The following DOC2B variants were observed in gnomAD, a reference collection of about 807,000 sequenced individuals.
DOC2B encodes the protein double C2-like domain-containing protein beta.
Under a neutral mutation model 28.9 loss-of-function variants are expected in DOC2B, and 21 were observed. The observed-to-expected ratio is 0.73, with a 90% CI of 0.52 to 1.05. The LOEUF (loss-of-function observed/expected upper bound fraction) is 1.05. Among genes scored for constraint, DOC2B ranks in the 50% least tolerant of loss-of-function variants. The pLI, the probability that DOC2B is intolerant of heterozygous loss-of-function variation, is 0.00. For missense variants in DOC2B, 384 were observed against 421.1 expected, an observed-to-expected ratio of 0.91 and a Z score of 0.77; for synonymous variants, 194 against 178.1, an observed-to-expected ratio of 1.09 and a Z score of -0.71.
chr17:175,754 C>G (rs970424554), intron 1 of DOC2B, among the ~76,000 whole-genome samples: 2 of 152,356 alleles, frequency 1.3e-5, no homozygotes, highest in African/African-American at 4.8e-5. Flanking sequence ...AGCCAGAAGA[C>G]AGAGCGGCTG....
intron 1 of DOC2B, among the ~76,000 whole-genome samples, chr17:177,575 C>T (rs2040384886): frequency 6.6e-6 from 1 of 152,252 alleles, no homozygotes; most frequent in African/African-American, 2.4e-5. Context: ...CTCCGCCTGC[C>T]AGAGCTTTCC....
In DOC2B at chr17:181,376, TC is replaced by T; in HGVS notation, c.103del (p.Asp35ThrfsTer119). 8.7e-7 allele frequency: 1 copy of T among 1,145,220 alleles called. No homozygotes were observed. The highest frequency in any genetic ancestry group is 1.1e-6 in the Non-Finnish European group (1 of 929,456). The allele number at this position is 1,145,220 out of a possible 1,614,324, so 70.9% of individuals were successfully genotyped here. A position where few individuals can be genotyped will look rare whatever the true frequency, so the allele number is the denominator to read the frequency against. On this transcript the variant is annotated frameshift_variant, in exon 1 of 9. Coordinates refer to ENST00000613549, the MANE Select transcript of DOC2B (RefSeq NM_003585.5). LOFTEE classifies it high-confidence loss of function. This position sits in a 1 kb window ranked among gnomAD's most constrained non-coding sequence, Gnocchi z 7.0. ...GCCCCGCGGGAAGCGGGGGAAGTAGTCGGAGATCTGCTTGATGGGACGGATG... is the reference window on the plus strand; with the variant it reads ...GCCCCGCGGGAAGCGGGGGAAGTAGTGGAGATCTGCTTGATGGGACGGATG... The part of the protein sequence containing the change: ...GPIRPIKQIS[D>X]YFPRFPRGLP...
rs905673435 is a variant in DOC2B at position 148,635 on chromosome 17, C to T, written c.1006-366G>A. On this transcript the variant is annotated intron_variant, in intron 7 of 8. Transcript: ENST00000613549. Reference sequence around the variant, plus strand: ...TCCCTTCCATCCGGGGTTCCCCTCACTCTCTGGAAGCATCTTGACCTCCCC... The same window carrying T: ...TCCCTTCCATCCGGGGTTCCCCTCATTCTCTGGAAGCATCTTGACCTCCCC... Among the ~76,000 whole-genome samples the T allele has an allele frequency of 3.5e-4, 54 of 152,274 alleles. 1 individual carries two copies. The South Asian group carries it at 0.011, about 30-fold the overall frequency.
rs966329790 is a variant in DOC2B, at chr17:181,049, G to T, written c.373+58C>A. Reference sequence around the variant, plus strand: ...CGGCGGAGGGAAGCCGCGAGGCCGTGGGGGGGCCGAGCCCGAGCCAGGGGA... The same window carrying T: ...CGGCGGAGGGAAGCCGCGAGGCCGTTGGGGGGCCGAGCCCGAGCCAGGGGA... On this transcript the variant is annotated intron_variant, in intron 1 of 8. Coordinates refer to ENST00000613549, the MANE Select transcript of DOC2B (RefSeq NM_003585.5). This position sits in a 1 kb window ranked among gnomAD's most constrained non-coding sequence, Gnocchi z 7.0. 16 of 1,196,428 alleles carry T rather than the reference G, an allele frequency of 1.3e-5. No homozygotes were observed. The highest frequency in any genetic ancestry group is 6.4e-5 in the African/African-American group (4 of 62,966). The allele number at this position is 1,196,428 out of a possible 1,614,324, so 74.1% of individuals were successfully genotyped here. A position where few individuals can be genotyped will look rare whatever the true frequency, so the allele number is the denominator to read the frequency against.
intron 2 of DOC2B, among the ~76,000 whole-genome samples, chr17:170,185 G>A (rs560091403): frequency 6.6e-6 from 1 of 152,336 alleles, no homozygotes; most frequent in African/African-American, 2.4e-5. Context: ...TGGCACAGCT[G>A]GGATTTGACA....
rs908742535 is a variant in DOC2B at position 181,174 on chromosome 17, G to GGGGCTGGGACCC, written c.294_305dup (p.Gly99_Pro102dup). 4.0e-6 allele frequency: 5 copies of GGGGCTGGGACCC among 1,251,462 alleles called. No individual in the cohort carries two copies. Among genetic ancestry groups the GGGGCTGGGACCC allele is most frequent in the Admixed American group, 4.2e-5 (1 of 23,556 alleles). The allele number at this position is 1,251,462 out of a possible 1,614,324, so 77.5% of individuals were successfully genotyped here. A position where few individuals can be genotyped will look rare whatever the true frequency, so the allele number is the denominator to read the frequency against. On this transcript the variant is annotated inframe_insertion, in exon 1 of 9. Transcript: ENST00000613549. The surrounding 1 kb of genome is among the most constrained non-coding windows in gnomAD (Gnocchi z 7.0). ...CCGGCGGCTTGGCTGGCGGCCGCGCGGGGCTGGGACCCGGGCTGGGGCCCG... is the reference window on the plus strand; with the variant it reads ...CCGGCGGCTTGGCTGGCGGCCGCGCGGGGCTGGGACCCGGGCTGGGACCCGGGCTGGGGCCCG...
intron 2 of DOC2B, among the ~76,000 whole-genome samples, chr17:169,696 G>C (rs1160010673): frequency 6.6e-6 from 1 of 152,064 alleles, no homozygotes; most frequent in Non-Finnish European, 1.5e-5. Context: ...TATAAGGGGG[G>C]ACAAGCAAGG....
At chr17:174,978 G>A (rs1294829844) in intron 1 of DOC2B, among the ~76,000 whole-genome samples, 1 of 152,188 alleles carries the variant, frequency 6.6e-6, no homozygotes, top group African/African-American at 2.4e-5. Flanking sequence ...GGTGGCTCAC[G>A]CCTATAATCC....
At chr17:176,360 A>G (rs1567539758) in intron 1 of DOC2B, among the ~76,000 whole-genome samples, 1 of 146,470 alleles carries the variant, frequency 6.8e-6, no homozygotes, top group Non-Finnish European at 1.5e-5. Context: ...CTTAAAAAAT[A>G]TATTTACAAA....
In DOC2B at chr17:154,744, T is replaced by G. The variant is rs1038096023; in HGVS notation, c.923+1476A>C. The stretch of plus-strand genomic sequence containing the variant: ...TCATATTATTTTTATTTGTTTATTA[T>G]ATTTTGAGAGTGTCTCGCTCTGTCA... On this transcript the variant is annotated intron_variant, in intron 6 of 8. Coordinates refer to ENST00000613549, the MANE Select transcript of DOC2B (RefSeq NM_003585.5). Among the ~76,000 whole-genome samples, 3 of 152,312 alleles carry G rather than the reference T, an allele frequency of 2.0e-5. No homozygotes were observed. In the South Asian group the frequency reaches 6.2e-4, roughly 32 times the overall value.
At chr17:180,487 T>C (rs2040427524) in intron 1 of DOC2B, among the ~76,000 whole-genome samples, 3 of 151,894 alleles carry the variant, frequency 2.0e-5, no homozygotes, top group African/African-American at 7.2e-5. Context: ...GCGGGGTCCA[T>C]GGACACCGGA....
intron 6 of DOC2B, 121 bp from the exon 7 acceptor site, chr17:149,313 C>T (rs1258990890): frequency 5.0e-6 from 2 of 397,722 alleles, no homozygotes; most frequent in East Asian, 3.6e-5. Flanking sequence ...CTTCTTTTGT[C>T]CTAATCATTG....
At chr17:170,542 C>T (rs950888312) in intron 2 of DOC2B, among the ~76,000 whole-genome samples, 1 of 152,082 alleles carries the variant, frequency 6.6e-6, no homozygotes, top group Non-Finnish European at 1.5e-5. Context: ...CCAGGCAGCT[C>T]TGTGGGAAGC....
chr17:179,777 AC>A (rs201466237), intron 1 of DOC2B, among the ~76,000 whole-genome samples: 938 of 90,130 alleles, frequency 0.01, 12 homozygotes, highest in African/African-American at 0.028. Flanking sequence ...CCCAGCCCCC[AC>A]GCCCCAGGGC....
intron 5 of DOC2B, among the ~76,000 whole-genome samples, chr17:157,970 G>A (rs1555522762): frequency 2.6e-5 from 4 of 152,200 alleles, no homozygotes. Context: ...CCAGTTCCCT[G>A]AAGGTGCTAC....
chr17:165,815 G>T (rs1441994392), intron 2 of DOC2B, among the ~76,000 whole-genome samples: 1 of 152,218 alleles, frequency 6.6e-6, no homozygotes, highest in Non-Finnish European at 1.5e-5. Context: ...CAGAGTTCTG[G>T]GAATCTGGTG....
intron 1 of DOC2B, among the ~76,000 whole-genome samples, chr17:173,083 C>G (rs2052840684): frequency 6.6e-6 from 1 of 152,246 alleles, no homozygotes; most frequent in African/African-American, 2.4e-5. Context: ...GTCCCCCAGC[C>G]AACACACAGG....
chr17:155,229 G>A (rs1020910077), intron 6 of DOC2B, among the ~76,000 whole-genome samples: 3 of 152,120 alleles, frequency 2.0e-5, no homozygotes, highest in Non-Finnish European at 2.9e-5. Context: ...CTAGCCTCAA[G>A]CAATCCTCCT....
At chr17:163,586 G>C (rs188641366) in intron 3 of DOC2B, 1 of 152,668 alleles carries the variant, frequency 6.6e-6, no homozygotes, top group African/African-American at 2.4e-5. Flanking sequence ...TCTCCTGTCC[G>C]AGATGCACCT....
Sources: allele counts gnomAD v4.1 joint callset (sites outside exome capture counted in the v4.1 genomes callset), GRCh38; gene constraint gnomAD v4.1.1; non-coding constraint Gnocchi (gnomAD v3.1); transcripts MANE v1.5; gene names NCBI Gene and HGNC (gene_info 2026-07-23, HGNC 2026-07-21).